The following CDK17 variants were observed in gnomAD, a reference collection of about 807,000 sequenced individuals.
The protein encoded by CDK17 is cyclin dependent kinase 17, also known as cyclin-dependent kinase 17.
Under a neutral mutation model 77.6 loss-of-function variants are expected in CDK17, and 24 were observed. The ratio of observed to expected loss-of-function variants is 0.31; its 90% confidence interval spans 0.22 to 0.44. CDK17 has a LOEUF of 0.44. CDK17 is among the 20% of genes least tolerant of loss of function. CDK17 has a pLI of 1.00. For missense variants in CDK17, 429 were observed against 622.5 expected (o/e 0.69, Z 3.31); for synonymous variants, 203 against 210.4 (o/e 0.96, Z 0.30).
chr12:96,294,147 A>G (rs1375773070), intron 10 of CDK17, among the ~76,000 whole-genome samples: 5 of 152,210 alleles, frequency 3.3e-5, no homozygotes. Context: ...TGTGCAGCAA[A>G]TGAGTTTTAT....
intron 1 of CDK17, among the ~76,000 whole-genome samples, chr12:96,362,082 T>C (rs762004668): frequency 3.9e-5 from 6 of 152,192 alleles, no homozygotes; most frequent in African/African-American, 2.4e-5. Context: ...ATCTATAGAA[T>C]ATAGCATTAC....
In CDK17 at chr12:96,353,611, G is replaced by GC. The variant is rs1340938640; in HGVS notation, c.-29-18747_-29-18746insG. Reference sequence around the variant, plus strand: ...AACAGAGTTTAAAAGGTGGCGGGGGGGGGCGCGGGTACAAATATTTTAGTA... The same window carrying GC: ...AACAGAGTTTAAAAGGTGGCGGGGGGCGGGCGCGGGTACAAATATTTTAGTA... On this transcript the variant is annotated intron_variant, in intron 1 of 16. Coordinates refer to ENST00000261211, the MANE Select transcript of CDK17 (RefSeq NM_002595.5). Among the ~76,000 whole-genome samples the GC allele has an allele frequency of 3.3e-5, 5 of 150,842 alleles. No individual in the cohort carries two copies. The East Asian group carries it at 9.7e-4, about 29-fold the overall frequency.
rs1345200108 is a variant in CDK17, at chr12:96,297,349, C to T, written c.811-17G>A. The T allele has an allele frequency of 1.3e-6, 2 of 1,546,170 alleles. No homozygotes were observed. The highest frequency in any genetic ancestry group is 2.2e-5 in the East Asian group (1 of 44,482). ...GTCTTTATCCTGGAAAAACACAGCA[C>T]TCTGCTATGTGATACACCATTTTCA... On this transcript the variant is annotated splice_polypyrimidine_tract_variant and intron_variant, in intron 8 of 16. Transcript: ENST00000261211.
intron 1 of CDK17, among the ~76,000 whole-genome samples, chr12:96,343,094 A>G (rs140661290): frequency 1.8e-4 from 28 of 152,370 alleles, no homozygotes; most frequent in African/African-American, 5.3e-4. Flanking sequence ...CAAAAATACC[A>G]TAAGAAAGAC....
chr12:96,372,492 T>G (rs1422612674), intron 1 of CDK17, among the ~76,000 whole-genome samples: 1 of 152,174 alleles, frequency 6.6e-6, no homozygotes, highest in Non-Finnish European at 1.5e-5. Flanking sequence ...AATTAGAAAT[T>G]GTTCACATAC....
intron 2 of CDK17, among the ~76,000 whole-genome samples, chr12:96,328,082 G>A (rs1338444791): frequency 1.3e-5 from 2 of 152,060 alleles, no homozygotes; most frequent in Non-Finnish European, 2.9e-5. Context: ...TCACATTACT[G>A]CTTGAGCTCC....
intron 1 of CDK17, among the ~76,000 whole-genome samples, chr12:96,379,658 G>C (rs1296079301): frequency 6.6e-6 from 1 of 151,906 alleles, no homozygotes; most frequent in Non-Finnish European, 1.5e-5. Flanking sequence ...TCAAACTCCT[G>C]GGCTCAAGCA....
rs1952287828 is a variant in CDK17, at chr12:96,289,280, G to C, written c.1005C>G (p.Ala335=). The C allele has an allele frequency of 2.5e-6, 4 of 1,613,712 alleles. No individual in the cohort carries two copies. The East Asian group carries it at 8.9e-5, about 36-fold the overall frequency. ...GELKLADFGL[A]RAKSVPTKTY... is the part of the protein sequence containing the mutation. ...TCTTTGTGGGAACTGACTTGGCTCG[G>C]GCTAGTCCTTCATAGGGAAAATAAA... The change falls in exon 11 of 17, where the codon GCC becomes GCG. Residue 335 remains alanine, a synonymous_variant. Transcript: ENST00000261211.
intron 1 of CDK17, among the ~76,000 whole-genome samples, chr12:96,390,327 C>T (rs1954047403): frequency 6.6e-6 from 1 of 150,744 alleles, no homozygotes; most frequent in Admixed American, 6.6e-5. Flanking sequence ...AGACGGGTTT[C>T]ATCATGTTGA....
chr12:96,352,393 A>G (rs80308544), intron 1 of CDK17, among the ~76,000 whole-genome samples: 1 of 145,568 alleles, frequency 6.9e-6, no homozygotes, highest in Admixed American at 6.9e-5. Flanking sequence ...AGAGAGAGAG[A>G]AAAAAAAAAA....
chr12:96,315,877 A>G (rs2137112011), intron 3 of CDK17, among the ~76,000 whole-genome samples: 1 of 152,286 alleles, frequency 6.6e-6, no homozygotes, highest in Admixed American at 6.5e-5. Context: ...ACCTTCCCAC[A>G]GAAAGGCTCA....
At position 96,400,385 on chromosome 12, in the gene CDK17, C is replaced by T; in HGVS notation, c.-429G>A. ...CGCGGGGAGCTCAGGAGACTGCGGG[C>T]GGCCGCGTTCGCTCCTTGCGTGTGC... On this transcript the variant is annotated 5_prime_UTR_variant, in exon 1 of 17. Coordinates refer to ENST00000261211, the MANE Select transcript of CDK17 (RefSeq NM_002595.5). 2.6e-6 allele frequency: 1 copy of T among 384,570 alleles called. No homozygotes were observed. Among genetic ancestry groups the T allele is most frequent in the Non-Finnish European group, 4.6e-6 (1 of 217,420 alleles). The allele number at this position is 384,570 out of a possible 1,614,324, so 23.8% of individuals were successfully genotyped here. A position where few individuals can be genotyped will look rare whatever the true frequency, so the allele number is the denominator to read the frequency against.
chr12:96,373,159 T>G (rs945364781), intron 1 of CDK17, among the ~76,000 whole-genome samples: 2 of 152,238 alleles, frequency 1.3e-5, no homozygotes, highest in African/African-American at 4.8e-5. Context: ...AAGTTCACTT[T>G]CTTTAAGAGA....
intron 4 of CDK17, among the ~76,000 whole-genome samples, chr12:96,312,083 G>A (rs1233975540): frequency 6.6e-6 from 1 of 151,926 alleles, no homozygotes; most frequent in Non-Finnish European, 1.5e-5. Flanking sequence ...TAGCACTTTG[G>A]GAAGCCAATA....
At chr12:96,349,919 C>A (rs1953285839) in intron 1 of CDK17, among the ~76,000 whole-genome samples, 1 of 151,970 alleles carries the variant, frequency 6.6e-6, no homozygotes, top group Admixed American at 6.6e-5. Context: ...AACTAATTTC[C>A]TTAAGATGTA....
chr12:96,289,088 T>C, intron 11 of CDK17, 79 bp downstream of exon 11: 1 of 1,437,602 alleles, frequency 7.0e-7, no homozygotes, highest in South Asian at 1.2e-5. Context: ...CTTAAAAGTA[T>C]ATACTTATCA....
At chr12:96,336,657 G>T (rs903326112) in intron 1 of CDK17, among the ~76,000 whole-genome samples, 1 of 152,104 alleles carries the variant, frequency 6.6e-6, no homozygotes, top group African/African-American at 2.4e-5. Flanking sequence ...GTTTAAAGTC[G>T]AGTTTATGCC....
chr12:96,325,828 C>T (rs1952885807), intron 2 of CDK17, among the ~76,000 whole-genome samples: 1 of 152,118 alleles, frequency 6.6e-6, no homozygotes, highest in Non-Finnish European at 1.5e-5. Flanking sequence ...TAAATAATTA[C>T]AAACAATGTG....
chr12:96,358,549 A>C lies in CDK17; in HGVS notation c.-29-23684T>G, dbSNP rs977943230. ...AATAAAAAGGATACAGGGGCCGGGCACATGGCTCACATCTGTAATCTCAGC... is the reference window on the plus strand; with the variant it reads ...AATAAAAAGGATACAGGGGCCGGGCCCATGGCTCACATCTGTAATCTCAGC... On this transcript the variant is annotated intron_variant, in intron 1 of 16. Coordinates refer to ENST00000261211, the MANE Select transcript of CDK17 (RefSeq NM_002595.5). Among the ~76,000 whole-genome samples, 9 of 152,104 alleles carry C rather than the reference A, an allele frequency of 5.9e-5. 1 individual carries two copies. Among genetic ancestry groups the C allele is most frequent in the Admixed American group, 3.9e-4 (6 of 15,270 alleles).
Sources: gnomAD v4.1 joint callset for allele counts (sites outside exome capture counted in the v4.1 genomes callset) on GRCh38, gnomAD v4.1.1 for gene constraint, MANE v1.5 for transcripts, NCBI Gene and HGNC (gene_info 2026-07-23, HGNC 2026-07-21) for gene names.